RIMOC1: variants seen among roughly 807,000 people sequenced by gnomAD.
The protein encoded by RIMOC1 is RAB7A interacting MON1-CCZ1 complex subunit 1.
the RIMOC1 span, chr5:41,919,496 A>C: frequency 1.3e-5 from 2 of 152,198 alleles, no homozygotes; most frequent in Non-Finnish European, 2.9e-5. Flanking sequence ...TTAACTTAGC[A>C]TTTTAGCAAG....
the RIMOC1 span, chr5:41,904,576 GC>G: frequency 1.3e-5 from 13 of 1,032,036 alleles, no homozygotes; most frequent in South Asian, 1.7e-4. Context: ...TGGGTCCCAG[GC>G]CGCAGGTGGT....
chr5:41,911,048 C>T, the RIMOC1 span: 1 of 1,609,236 alleles, frequency 6.2e-7, no homozygotes, highest in East Asian at 2.2e-5. Flanking sequence ...TGTGTTTCAG[C>T]ACTGCAATTT....
At chr5:41,917,034 A>G in the RIMOC1 span, 2 of 1,593,732 alleles carry the variant, frequency 1.3e-6, no homozygotes, top group African/African-American at 2.7e-5. Flanking sequence ...AGTGACATTC[A>G]TCTGCTGGCT....
the RIMOC1 span, among the ~76,000 whole-genome samples, chr5:41,916,841 A>G: frequency 6.6e-6 from 1 of 152,222 alleles, no homozygotes; most frequent in Admixed American, 6.5e-5. Flanking sequence ...AATCGATATT[A>G]AAAAATGCTA....
the RIMOC1 span, chr5:41,917,601 T>TA: frequency 1.1e-6 from 1 of 901,086 alleles, no homozygotes; most frequent in Non-Finnish European, 1.3e-6. Context: ...TTCTATTACT[T>TA]TTTTTTTTTA....
the RIMOC1 span, among the ~76,000 whole-genome samples, chr5:41,905,149 G>A: frequency 6.6e-6 from 1 of 152,120 alleles, no homozygotes; most frequent in Non-Finnish European, 1.5e-5. Context: ...TTGAGTTTGA[G>A]CAATTACTAC....
chr5:41,904,839 G>T, the RIMOC1 span, among the ~76,000 whole-genome samples: 1 of 152,196 alleles, frequency 6.6e-6, no homozygotes, highest in African/African-American at 2.4e-5. Context: ...TTTGCATCCT[G>T]TAAAGATAAA....
the RIMOC1 span, chr5:41,917,784 G>T: frequency 1.1e-6 from 1 of 892,638 alleles, no homozygotes; most frequent in Non-Finnish European, 1.3e-6. Context: ...CTAATATTCA[G>T]ATTCCATTTT....
At chr5:41,918,283 T>A in the RIMOC1 span, 4 of 985,882 alleles carry the variant, frequency 4.1e-6, no homozygotes, top group Non-Finnish European at 3.6e-6. Context: ...CTGGTAAAAT[T>A]TCAGTAACTG....
the RIMOC1 span, among the ~76,000 whole-genome samples, chr5:41,912,754 C>T: frequency 3.3e-5 from 5 of 152,216 alleles, no homozygotes; most frequent in African/African-American, 9.7e-5. Context: ...CCTCCCTCAA[C>T]ACCTGGGGAT....
At chr5:41,919,692 C>G in the RIMOC1 span, 1 of 152,146 alleles carries the variant, frequency 6.6e-6, no homozygotes. Context: ...ATCATTACTT[C>G]TGCATCCTTC....
At chr5:41,920,981 C>T in the RIMOC1 span, 1 of 152,462 alleles carries the variant, frequency 6.6e-6, no homozygotes, top group Non-Finnish European at 1.5e-5. Flanking sequence ...ATGGCTCTTT[C>T]CCAATATGAA....
At chr5:41,910,393 C>T in the RIMOC1 span, among the ~76,000 whole-genome samples, 4 of 151,796 alleles carry the variant, frequency 2.6e-5, no homozygotes, top group Non-Finnish European at 5.9e-5. Context: ...AGGGATGTCT[C>T]TTTCATCACC....
the RIMOC1 span, among the ~76,000 whole-genome samples, chr5:41,912,964 C>T: frequency 1.3e-5 from 2 of 152,148 alleles, no homozygotes; most frequent in South Asian, 4.1e-4. Flanking sequence ...TTACCTTTTT[C>T]CTCCATTCTT....
chr5:41,909,638 G>T, the RIMOC1 span: 2 of 643,078 alleles, frequency 3.1e-6, no homozygotes, highest in Non-Finnish European at 4.8e-6. Flanking sequence ...TGAGCTAGAA[G>T]ATTTAAATGT....
chr5:41,917,088 G>A, the RIMOC1 span: 3 of 1,613,690 alleles, frequency 1.9e-6, no homozygotes, highest in Non-Finnish European at 2.5e-6. Context: ...TCGAAGTATT[G>A]TGCTGATCAG....
chr5:41,921,437 T>C, the RIMOC1 span: 1 of 151,896 alleles, frequency 6.6e-6, no homozygotes, highest in African/African-American at 2.4e-5. Flanking sequence ...TATGTTCTTT[T>C]TTTTTTTTTA....
At chr5:41,904,458 G>C in the RIMOC1 span, 9 of 1,613,884 alleles carry the variant, frequency 5.6e-6, no homozygotes, top group East Asian at 1.8e-4. Flanking sequence ...CGAAGCTGCC[G>C]GTGAAGATGG....
chr5:41,904,358 G>C, the RIMOC1 span: 1 of 1,613,302 alleles, frequency 6.2e-7, no homozygotes, highest in Non-Finnish European at 8.5e-7. Flanking sequence ...CGCACCCGCC[G>C]ATTGTGGCCA....
Sources: gnomAD v4.1 joint callset for allele counts (sites outside exome capture counted in the v4.1 genomes callset) on GRCh38, gnomAD v4.1.1 for gene constraint, MANE v1.5 for transcripts, NCBI Gene and HGNC (gene_info 2026-07-23, HGNC 2026-07-21) for gene names.